USH2A: variants seen among roughly 807,000 people sequenced by gnomAD.
The protein encoded by USH2A is usherin, also known as Usher syndrome 2A (autosomal recessive, mild).
A neutral mutation model predicts 538.9 loss-of-function variants in USH2A; 443 were observed. That is an observed-to-expected ratio of 0.82 (90% confidence interval 0.76 to 0.89). The LOEUF is 0.89. Ranked by LOEUF, USH2A falls within the 40% of genes least tolerant of loss-of-function variation. The probability of loss-of-function intolerance (pLI) is 0.00; values close to 1 mark genes in which losing one functional copy is unlikely to be tolerated. For missense variants in USH2A, 6,633 were observed against 6,324.8 expected (o/e 1.05, Z -1.65); for synonymous variants, 2,413 against 2,273.5 (o/e 1.06, Z -1.75).
At chr1:215,957,790 A>T (rs1162641580) in intron 37 of USH2A, among the ~76,000 whole-genome samples, 1 of 152,118 alleles carries the variant, frequency 6.6e-6, no homozygotes, top group African/African-American at 2.4e-5. Flanking sequence ...ATGAATTCAG[A>T]TTGCTTGAAA....
At chr1:215,658,699 AC>A (rs1657345668) in intron 64 of USH2A, among the ~76,000 whole-genome samples, 1 of 152,182 alleles carries the variant, frequency 6.6e-6, no homozygotes, top group Non-Finnish European at 1.5e-5. Context: ...ATCACAAACA[AC>A]GTGACATCCA....
In USH2A at chr1:215,674,028, C is replaced by T. The variant is rs74527030; in HGVS notation, c.13811+72G>A. 6,613 of 1,612,696 alleles carry T rather than the reference C, an allele frequency of 4.1e-3. 225 individuals carry two copies. In the African/African-American group the frequency reaches 0.076, roughly 18 times the overall value. On this transcript the variant is annotated intron_variant, in intron 63 of 71. Coordinates refer to ENST00000307340, the MANE Select transcript of USH2A (RefSeq NM_206933.4). ...CCCATTTTTAGAGTCTTCATTAGAA[C>T]TGACCAAGGGCTCAGGCAATAGAAA... is the stretch of plus-strand genomic sequence containing the variant.
chr1:215,843,405 T>C (rs17623850), intron 46 of USH2A, among the ~76,000 whole-genome samples: 16,894 of 152,184 alleles, frequency 0.11, 1,201 homozygotes, highest in South Asian at 0.22. Context: ...GGCTTGGTAC[T>C]CCAACAAGAT....
At chr1:216,172,032 G>C (rs2034284833) in intron 21 of USH2A, among the ~76,000 whole-genome samples, 1 of 151,948 alleles carries the variant, frequency 6.6e-6, no homozygotes, top group South Asian at 2.1e-4. Context: ...TCTGCCCAAA[G>C]GTAGATATTG....
At chr1:215,883,400 A>T (rs1262856692) in intron 41 of USH2A, among the ~76,000 whole-genome samples, 1 of 151,804 alleles carries the variant, frequency 6.6e-6, no homozygotes, top group African/African-American at 2.4e-5. Context: ...TTAGAAAATC[A>T]ATCAGATTGT....
intron 37 of USH2A, among the ~76,000 whole-genome samples, chr1:215,954,725 A>G (rs1314084105): frequency 1.3e-5 from 2 of 151,954 alleles, no homozygotes; most frequent in African/African-American, 2.4e-5. Context: ...AATAATAAAA[A>G]AAAACAATTG....
rs1266294895 is a variant in USH2A at position 215,836,541 on chromosome 1, TA to T, written c.9371+1449del. Among the ~76,000 whole-genome samples the T allele has an allele frequency of 2.8e-3, 66 of 23,728 alleles. 11 individuals are homozygous for T. The highest frequency in any genetic ancestry group is 0.011 in the Admixed American group (10 of 888). The allele number at this position is 23,728 out of a possible 152,430, so 15.6% of individuals were successfully genotyped here. On this transcript the variant is annotated intron_variant, in intron 47 of 71. Coordinates refer to ENST00000307340, the MANE Select transcript of USH2A (RefSeq NM_206933.4). ...ATAATATATATTATATATATATATA[TA>T]ATATATATATATATATATATATATT...
chr1:216,077,010 G>T (rs1216979805), intron 27 of USH2A, among the ~76,000 whole-genome samples: 1 of 152,126 alleles, frequency 6.6e-6, no homozygotes. Flanking sequence ...GGCTGCCTGA[G>T]AGACTTAGTG....
At chr1:216,061,619 C>G (rs2031185546) in intron 30 of USH2A, among the ~76,000 whole-genome samples, 1 of 152,160 alleles carries the variant, frequency 6.6e-6, no homozygotes, top group South Asian at 2.1e-4. Flanking sequence ...CCAATTTAAT[C>G]AGACATTTTG....
chr1:215,784,598 C>A (rs74141413), intron 52 of USH2A, among the ~76,000 whole-genome samples: 1,563 of 152,226 alleles, frequency 0.01, 25 homozygotes, highest in African/African-American at 0.036. Context: ...TAAATGATTG[C>A]ATAAATGAAT....
chr1:216,139,596 A>G (rs1188354637), intron 21 of USH2A, among the ~76,000 whole-genome samples: 1 of 152,202 alleles, frequency 6.6e-6, no homozygotes, highest in Admixed American at 6.5e-5. Flanking sequence ...GAATTAGAAT[A>G]GACCATAGTG....
chr1:216,124,477 C>G (rs2102597224), intron 21 of USH2A, among the ~76,000 whole-genome samples: 1 of 151,946 alleles, frequency 6.6e-6, no homozygotes, highest in East Asian at 1.9e-4. Flanking sequence ...AGAGATATAA[C>G]AAAAAGAAAA....
chr1:216,252,025 A>G (rs1463139108), intron 11 of USH2A, among the ~76,000 whole-genome samples: 1 of 152,196 alleles, frequency 6.6e-6, no homozygotes, highest in African/African-American at 2.4e-5. Context: ...ATATTGTGAT[A>G]AGAAATTCCA....
intron 71 of USH2A, among the ~76,000 whole-genome samples, chr1:215,627,432 C>CTTT (rs1487575373): frequency 1.1e-3 from 89 of 83,620 alleles, no homozygotes; most frequent in African/African-American, 2.1e-3. Flanking sequence ...TTCCTTCCTT[C>CTTT]CTTCCTTCCT....
intron 71 of USH2A, among the ~76,000 whole-genome samples, 177 bp downstream of exon 71, chr1:215,628,637 T>G (rs1656144539): frequency 6.6e-6 from 1 of 152,206 alleles, no homozygotes; most frequent in Non-Finnish European, 1.5e-5. Context: ...AGACAAAGTT[T>G]CTACCCTGCT....
At position 216,121,546 on chromosome 1, in the gene USH2A, T is replaced by C. The variant is rs1243670429; in HGVS notation, c.4628-24333A>G. ...TACATAACCCAAATAACTTCAGTCA[T>C]GTTTGCATTAATGCTGCATTAATCA... On this transcript the variant is annotated intron_variant, in intron 21 of 71. Transcript: ENST00000307340. 3.9e-5 allele frequency among the ~76,000 whole-genome samples: 6 copies of C among 152,300 alleles called. No individual in the cohort carries two copies. The South Asian group carries it at 8.3e-4, about 21-fold the overall frequency.
intron 14 of USH2A, among the ~76,000 whole-genome samples, chr1:216,221,357 T>C (rs973218259): frequency 2.0e-5 from 3 of 152,086 alleles, no homozygotes; most frequent in African/African-American, 7.2e-5. Flanking sequence ...CTAGAGGAGT[T>C]TGGTTTTCCC....
intron 11 of USH2A, among the ~76,000 whole-genome samples, chr1:216,269,262 T>C (rs1419832121): frequency 1.3e-5 from 2 of 152,054 alleles, no homozygotes; most frequent in Non-Finnish European, 2.9e-5. Context: ...CTCATGATAG[T>C]GAATAAATCT....
chr1:215,841,364 G>A (rs549467826), intron 46 of USH2A, among the ~76,000 whole-genome samples: 4 of 152,050 alleles, frequency 2.6e-5, no homozygotes, highest in African/African-American at 4.8e-5. Context: ...CCAATGGAAC[G>A]GAATAGAGAT....
Sources: gnomAD v4.1 joint callset for allele counts (sites outside exome capture counted in the v4.1 genomes callset) on GRCh38, gnomAD v4.1.1 for gene constraint, MANE v1.5 for transcripts, NCBI Gene and HGNC (gene_info 2026-07-23, HGNC 2026-07-21) for gene names.